Variants in NFIA observed in about 807,000 individuals in gnomAD.
NFIA encodes the protein nuclear factor I A.
In NFIA, 8 loss-of-function variants were observed where a neutral mutation model predicts 62.8. That is an observed-to-expected ratio of 0.13 (90% CI 0.07 to 0.23). NFIA has a LOEUF of 0.23. Among genes scored for constraint, NFIA ranks in the 10% least tolerant of loss-of-function variants. NFIA has a pLI of 1.00. For synonymous variants in NFIA, 235 were observed against 238.1 expected, an observed-to-expected ratio of 0.99 and a Z score of 0.12; for missense variants, 410 against 642.1, an observed-to-expected ratio of 0.64 and a Z score of 3.91.
chr1:61,252,364 T>C (rs1656100014), intron 2 of NFIA, among the ~76,000 whole-genome samples: 2 of 152,320 alleles, frequency 1.3e-5, no homozygotes, highest in South Asian at 4.1e-4. Flanking sequence ...TTTATACTAG[T>C]CTTATTTGTA....
At chr1:61,113,192 T>C (rs1646733655) in intron 2 of NFIA, among the ~76,000 whole-genome samples, 1 of 152,118 alleles carries the variant, frequency 6.6e-6, no homozygotes, top group African/African-American at 2.4e-5. Flanking sequence ...CACAGGTTTG[T>C]ATCAGTTGTA....
intron 2 of NFIA, among the ~76,000 whole-genome samples, chr1:61,111,052 G>T (rs1374087761): frequency 6.6e-6 from 1 of 152,026 alleles, no homozygotes; most frequent in Non-Finnish European, 1.5e-5. Context: ...ACTCATTATA[G>T]GTTTACTTAA....
intron 2 of NFIA, among the ~76,000 whole-genome samples, chr1:61,235,711 G>A (rs1183589397): frequency 2.7e-5 from 4 of 150,350 alleles, no homozygotes; most frequent in Non-Finnish European, 5.9e-5. Flanking sequence ...TACTTGGGAG[G>A]CTGAGGTGGG....
In NFIA at chr1:61,426,483, C is replaced by A; in HGVS notation, c.1439C>A (p.Thr480Asn). ...PTSPTYSTPS[T>N]SPANRFVSVG... Reference sequence around the variant, plus strand: ...TTCACAGCCTACTCGACACCCAGCACCTCCCCCGCAAACCGATTCGTCAGT... The same window carrying A: ...TTCACAGCCTACTCGACACCCAGCAACTCCCCCGCAAACCGATTCGTCAGT... Residue 480 changes from threonine to asparagine, a missense_variant, in exon 10 of 11, where the codon ACC becomes AAC. Coordinates refer to ENST00000403491, the MANE Select transcript of NFIA (RefSeq NM_001134673.4). The A allele has an allele frequency of 6.4e-7, 1 of 1,551,966 alleles. No homozygotes were observed. Among genetic ancestry groups the A allele is most frequent in the South Asian group, 1.2e-5 (1 of 84,038 alleles).
intron 9 of NFIA, among the ~76,000 whole-genome samples, chr1:61,424,449 T>C (rs1024605865): frequency 6.6e-6 from 1 of 152,076 alleles, no homozygotes; most frequent in African/African-American, 2.4e-5. Flanking sequence ...GCTATGTGTC[T>C]ATGATGAGCA....
rs561034611 is a variant in NFIA at position 61,438,711 on chromosome 1, A to T, written c.1512+12155A>T. Among the ~76,000 whole-genome samples, 9 of 152,230 alleles carry T rather than the reference A, an allele frequency of 5.9e-5. No individual in the cohort carries two copies. In the South Asian group the frequency reaches 6.2e-4, roughly 11 times the overall value. On this transcript the variant is annotated intron_variant, in intron 10 of 10. Coordinates refer to ENST00000403491, the MANE Select transcript of NFIA (RefSeq NM_001134673.4). ...TCTGTGTGTCTTATAATTTCATATT[A>T]AAAAAAGATTAAATTTTATACTGGA... is the stretch of plus-strand genomic sequence containing the variant.
intron 2 of NFIA, among the ~76,000 whole-genome samples, chr1:61,252,645 A>C (rs903709630): frequency 2.0e-5 from 3 of 152,248 alleles, no homozygotes; most frequent in Admixed American, 2.0e-4. Context: ...TTTATGATGC[A>C]TTATAGATAC....
intron 10 of NFIA, among the ~76,000 whole-genome samples, chr1:61,431,099 G>A (rs989658358): frequency 1.3e-5 from 2 of 152,090 alleles, no homozygotes; most frequent in Non-Finnish European, 2.9e-5. Flanking sequence ...CATGCCCACC[G>A]AATGGTATAA....
Position 61,082,739 on chromosome 1 carries a change from C to A in NFIA, c.-53C>A, listed in dbSNP as rs1422121236. 1.3e-6 allele frequency: 2 copies of A among 1,551,760 alleles called. No individual in the cohort carries two copies. Among genetic ancestry groups the A allele is most frequent in the Admixed American group, 2.0e-5 (1 of 51,098 alleles). On this transcript the variant is annotated 5_prime_UTR_variant, in exon 1 of 11. Coordinates refer to ENST00000403491, the MANE Select transcript of NFIA (RefSeq NM_001134673.4). ...CTCCTCTCTCACCCACACTCACGCA[C>A]ACCTCCAAACCGCACACCCAGACGC...
At chr1:61,306,067 G>T (rs1323511435) in intron 3 of NFIA, among the ~76,000 whole-genome samples, 1 of 151,454 alleles carries the variant, frequency 6.6e-6, no homozygotes, top group Non-Finnish European at 1.5e-5. Context: ...AGCCAGGATG[G>T]TCTCAATCTC....
At chr1:61,298,935 T>C (rs541901245) in intron 3 of NFIA, among the ~76,000 whole-genome samples, 9 of 152,336 alleles carry the variant, frequency 5.9e-5, no homozygotes, top group African/African-American at 1.9e-4. Flanking sequence ...ATTTATTTCC[T>C]TCCGAGTAAT....
chr1:61,216,702 C>T (rs886254206), intron 2 of NFIA, among the ~76,000 whole-genome samples: 1 of 152,144 alleles, frequency 6.6e-6, no homozygotes, highest in Admixed American at 6.5e-5. Context: ...TATGTATGCT[C>T]TAAAAAGGGG....
At chr1:61,223,334 C>T (rs1654130642) in intron 2 of NFIA, among the ~76,000 whole-genome samples, 1 of 151,892 alleles carries the variant, frequency 6.6e-6, no homozygotes, top group African/African-American at 2.4e-5. Context: ...GTGTTGTAAT[C>T]CAAGCATATT....
At chr1:61,159,680 C>CTTTTT (rs11300026) in intron 2 of NFIA, among the ~76,000 whole-genome samples, 3 of 85,858 alleles carry the variant, frequency 3.5e-5, no homozygotes, top group Admixed American at 1.3e-4. Flanking sequence ...AATGTAGATG[C>CTTTTT]TTTTTTTTTT....
chr1:61,200,931 C>T (rs1241199881), intron 2 of NFIA, among the ~76,000 whole-genome samples: 1 of 152,154 alleles, frequency 6.6e-6, no homozygotes, highest in Non-Finnish European at 1.5e-5. Context: ...TTATGAAATT[C>T]TGTCATCTAT....
Position 61,082,683 on chromosome 1 carries a change from T to TCTCTCTCTCTCTTC in NFIA, c.-97_-96insTCCTCTCTCTCTCT. ...TTTTTTCTCCCCCCTTCTCTCTCTC[T>TCTCTCTCTCTCTTC]CTCTCTCTCTCTCTTCCTCTCTCCC... On this transcript the variant is annotated 5_prime_UTR_variant, in exon 1 of 11. Coordinates refer to ENST00000403491, the MANE Select transcript of NFIA (RefSeq NM_001134673.4). The TCTCTCTCTCTCTTC allele has an allele frequency of 1.3e-6, 2 of 1,535,902 alleles. No homozygotes were observed. The highest frequency in any genetic ancestry group is 1.2e-5 in the South Asian group (1 of 82,834).
chr1:61,387,164 G>A (rs1175262204), intron 7 of NFIA, among the ~76,000 whole-genome samples: 1 of 152,036 alleles, frequency 6.6e-6, no homozygotes, highest in Non-Finnish European at 1.5e-5. Context: ...AAATCTCAGG[G>A]GGTCAGATAG....
Position 61,455,632 on chromosome 1 carries a change from CT to C in NFIA, c.*313del, listed in dbSNP as rs1203681187. 3.9e-5 allele frequency: 17 copies of C among 440,450 alleles called. No homozygotes were observed. The highest frequency in any genetic ancestry group is 2.2e-4 in the African/African-American group (11 of 48,928). The allele number at this position is 440,450 out of a possible 1,614,324, so 27.3% of individuals were successfully genotyped here. The stretch of plus-strand genomic sequence containing the variant: ...GTAGCGTGAGCATTAGGTGACGTGG[CT>C]AGCGGAGGACTACCCTTGCTCACTG... On this transcript the variant is annotated 3_prime_UTR_variant, in exon 11 of 11. Coordinates refer to ENST00000403491, the MANE Select transcript of NFIA (RefSeq NM_001134673.4).
intron 3 of NFIA, among the ~76,000 whole-genome samples, chr1:61,315,532 A>G (rs188354271): frequency 7.9e-5 from 12 of 152,302 alleles, no homozygotes; most frequent in Non-Finnish European, 1.3e-4. Flanking sequence ...AAGGACTTCC[A>G]TGCAACCTGG....
Sources: gnomAD v4.1 joint callset for allele counts (sites outside exome capture counted in the v4.1 genomes callset) on GRCh38, gnomAD v4.1.1 for gene constraint, MANE v1.5 for transcripts, NCBI Gene and HGNC (gene_info 2026-07-23, HGNC 2026-07-21) for gene names.